The following IWS1 variants were observed in gnomAD, a reference collection of about 807,000 sequenced individuals.
The protein encoded by IWS1 is protein IWS1 homolog.
IWS1 carries 27 observed loss-of-function variants against 86.7 expected under a neutral mutation model. That is an observed-to-expected ratio of 0.31 (90% confidence interval 0.23 to 0.43). The LOEUF is 0.43. Ranked by LOEUF, IWS1 falls within the 20% of genes least tolerant of loss-of-function variation. IWS1 has a pLI of 1.00. For missense variants in IWS1, 827 were observed against 1,000.8 expected, an observed-to-expected ratio of 0.83 and a Z score of 2.34; for synonymous variants, 313 against 335.1, an observed-to-expected ratio of 0.93 and a Z score of 0.72.
chr2:127,494,533 G>T lies in IWS1; in HGVS notation c.1799+339C>A, dbSNP rs144162248. The T allele has an allele frequency of 5.8e-3, 934 of 160,620 alleles. 12 individuals are homozygous for T. The highest frequency in any genetic ancestry group is 0.021 in the African/African-American group (896 of 41,778). The allele number at this position is 160,620 out of a possible 1,614,324, so 9.9% of individuals were successfully genotyped here. On this transcript the variant is annotated intron_variant, in intron 8 of 13. Coordinates refer to ENST00000295321, the MANE Select transcript of IWS1 (RefSeq NM_017969.3). ...TTCCAGCACTTTGAGAGGATGAGGT[G>T]GGAGGATTACTTAAGCCCAGGAGTT...
At chr2:127,517,061 G>A (rs1487706927) in intron 2 of IWS1, among the ~76,000 whole-genome samples, 4 of 152,000 alleles carry the variant, frequency 2.6e-5, no homozygotes, top group African/African-American at 9.7e-5. Flanking sequence ...CAAAGAAATC[G>A]AACATGTATA....
chr2:127,494,276 T>C (rs572843459), intron 8 of IWS1, among the ~76,000 whole-genome samples: 241 of 115,846 alleles, frequency 2.1e-3, no homozygotes, highest in Admixed American at 3.7e-3. Context: ...AGCAAATCAA[T>C]GAAAAAAGTT....
In IWS1 at chr2:127,503,564, CTCT is replaced by C. The variant is rs1690929835; in HGVS notation, c.1229_1231del (p.Lys410del). 1 of 1,577,184 alleles carries C rather than the reference CTCT, an allele frequency of 6.3e-7. No individual in the cohort carries two copies. The highest frequency in any genetic ancestry group is 1.2e-5 in the South Asian group (1 of 82,936). ...GTCATCTGCATCAGAGACAACACGA[CTCT>C]TCTTTGCTGCTGTTGAAAAAGAAAA... On this transcript the variant is annotated inframe_deletion, in exon 4 of 14. Transcript: ENST00000295321.
At chr2:127,493,040 C>T in intron 9 of IWS1, 1 of 305,492 alleles carries the variant, frequency 3.3e-6, no homozygotes, top group Non-Finnish European at 6.0e-6. Context: ...TACTGTACTA[C>T]TCTTCTCAGA....
chr2:127,525,067 T>C (rs1221264395), intron 1 of IWS1, among the ~76,000 whole-genome samples: 1 of 128,752 alleles, frequency 7.8e-6, no homozygotes, highest in Non-Finnish European at 1.6e-5. Context: ...GGCTAATTTT[T>C]GCATTTTTTT....
chr2:127,507,802 C>T (rs958234537), intron 2 of IWS1, among the ~76,000 whole-genome samples: 7 of 152,122 alleles, frequency 4.6e-5, no homozygotes, highest in African/African-American at 1.4e-4. Context: ...TCAGACAACT[C>T]CAAAATCTGA....
At chr2:127,485,556 G>A (rs1310563213) in intron 13 of IWS1, among the ~76,000 whole-genome samples, 3 of 152,178 alleles carry the variant, frequency 2.0e-5, no homozygotes, top group Non-Finnish European at 2.9e-5. Context: ...TTATATGCCT[G>A]TAACACATAT....
At chr2:127,483,851 T>C (rs1689790775) in intron 13 of IWS1, among the ~76,000 whole-genome samples, 1 of 152,120 alleles carries the variant, frequency 6.6e-6, no homozygotes, top group Non-Finnish European at 1.5e-5. Context: ...GGCTGATATT[T>C]AGTATAATTT....
chr2:127,505,834 A>AT lies in IWS1; in HGVS notation c.151-83dup, dbSNP rs144985459. The stretch of plus-strand genomic sequence containing the variant: ...AATAAAACATTAAATTTTTTCTGTG[A>AT]TTTTTTTAAAATACAGGATTATGTG... On this transcript the variant is annotated intron_variant, in intron 2 of 13. Transcript: ENST00000295321. The surrounding 1 kb of genome is among the most constrained non-coding windows in gnomAD (Gnocchi z 5.0). 0.042 allele frequency: 40,347 copies of AT among 959,608 alleles called. 1,671 individuals are homozygous for AT. Among genetic ancestry groups the AT allele is most frequent in the East Asian group, 0.15 (5,374 of 36,824 alleles). 59.4% of individuals were successfully genotyped at this position (959,608 alleles called of 1,614,324 possible). A position where few individuals can be genotyped will look rare whatever the true frequency, so the allele number is the denominator to read the frequency against.
At chr2:127,485,621 AG>A (rs1209449937) in intron 13 of IWS1, among the ~76,000 whole-genome samples, 2 of 152,226 alleles carry the variant, frequency 1.3e-5, no homozygotes, top group African/African-American at 4.8e-5. Context: ...GGTACCAGTC[AG>A]GAAGACCCAA....
At chr2:127,501,010 CAT>C (rs1217730741) in intron 5 of IWS1, among the ~76,000 whole-genome samples, 2 of 152,186 alleles carry the variant, frequency 1.3e-5, no homozygotes, top group African/African-American at 2.4e-5. Context: ...TTACTGCTGT[CAT>C]GTTTTAATTT....
At chr2:127,506,058 A>G (rs1691133979) in intron 2 of IWS1, among the ~76,000 whole-genome samples, 1 of 152,152 alleles carries the variant, frequency 6.6e-6, no homozygotes, top group Non-Finnish European at 1.5e-5. Flanking sequence ...TAAAAGGCGA[A>G]TTTTCTCATA....
intron 7 of IWS1, 40 bp from the exon 8 acceptor site, chr2:127,494,994 A>T (rs1386877088): frequency 8.1e-7 from 1 of 1,236,128 alleles, no homozygotes; most frequent in East Asian, 2.4e-5. Context: ...TTAAAACAGT[A>T]CTTTTTATTA....
intron 13 of IWS1, among the ~76,000 whole-genome samples, chr2:127,481,543 G>A (rs554196297): frequency 1.1e-4 from 16 of 152,238 alleles, no homozygotes; most frequent in African/African-American, 2.9e-4. Flanking sequence ...GGAGCTAGCC[G>A]CTTGACATGC....
At position 127,480,846 on chromosome 2, in the gene IWS1, G is replaced by C; in HGVS notation, c.*198C>G. ...GAAATTTTATTGTGTAAAGTTTATAGAAGTATGACTAGTATTCCTTTGTAC... is the reference window on the plus strand; with the variant it reads ...GAAATTTTATTGTGTAAAGTTTATACAAGTATGACTAGTATTCCTTTGTAC... On this transcript the variant is annotated 3_prime_UTR_variant, in exon 14 of 14. Coordinates refer to ENST00000295321, the MANE Select transcript of IWS1 (RefSeq NM_017969.3). 1 of 476,622 alleles carries C rather than the reference G, an allele frequency of 2.1e-6. No individual in the cohort carries two copies. The highest frequency in any genetic ancestry group is 4.3e-5 in the Admixed American group (1 of 23,434). 29.5% of individuals were successfully genotyped at this position (476,622 alleles called of 1,614,324 possible). A position where few individuals can be genotyped will look rare whatever the true frequency, so the allele number is the denominator to read the frequency against.
chr2:127,481,617 A>C (rs1316417674), intron 13 of IWS1, among the ~76,000 whole-genome samples: 2 of 152,208 alleles, frequency 1.3e-5, no homozygotes, highest in Non-Finnish European at 2.9e-5. Context: ...GCTGAGAAAA[A>C]GCCTTAAGCA....
At chr2:127,526,642 C>A (rs769690788), upstream of IWS1, 5 of 1,327,570 alleles carry the variant, frequency 3.8e-6, no homozygotes, top group Admixed American at 1.1e-4. Flanking sequence ...ATACCTTCCT[C>A]GGGTGGATCC....
At chr2:127,521,655 T>C (rs1439584131) in intron 2 of IWS1, among the ~76,000 whole-genome samples, 2 of 152,256 alleles carry the variant, frequency 1.3e-5, no homozygotes, top group Non-Finnish European at 1.5e-5. Context: ...GAGTATCTCA[T>C]GTAATTTACT....
rs570866973 is a variant in IWS1 at position 127,499,293 on chromosome 2, C to T, written c.1468-1056G>A. Among the ~76,000 whole-genome samples, 191 of 152,072 alleles carry T rather than the reference C, an allele frequency of 1.3e-3. 1 individual carries two copies. The highest frequency in any genetic ancestry group is 1.9e-3 in the Non-Finnish European group (132 of 67,948). On this transcript the variant is annotated intron_variant, in intron 5 of 13. Transcript: ENST00000295321. The surrounding 1 kb of genome is among the most constrained non-coding windows in gnomAD (Gnocchi z 4.0). ...TTTTAGTAGAGATGGGGTTTCACCA[C>T]GTTAGCCAGGATGGTCTCGATCTCC...
Sources: gnomAD v4.1 joint callset for allele counts (sites outside exome capture counted in the v4.1 genomes callset) on GRCh38, gnomAD v4.1.1 for gene constraint, Gnocchi (gnomAD v3.1) non-coding constraint, MANE v1.5 for transcripts, NCBI Gene and HGNC (gene_info 2026-07-23, HGNC 2026-07-21) for gene names.